MTA3: variants seen among roughly 807,000 people sequenced by gnomAD.
The protein encoded by MTA3 is metastasis-associated protein MTA3.
Under a neutral mutation model 83.5 loss-of-function variants are expected in MTA3, and 34 were observed. The observed-to-expected ratio is 0.41, with a 90% CI of 0.31 to 0.54. The LOEUF (loss-of-function observed/expected upper bound fraction) is 0.54, where lower values mean the gene tolerates loss of function less well. Ranked by LOEUF, MTA3 falls within the 20% of genes least tolerant of loss-of-function variation. The pLI is 0.33. For missense variants in MTA3, 761 were observed against 726.4 expected (o/e 1.05, Z -0.55); for synonymous variants, 303 against 252.7 (o/e 1.20, Z -1.89).
intron 2 of MTA3, among the ~76,000 whole-genome samples, chr2:42,527,193 T>C (rs1199758466): frequency 6.6e-6 from 1 of 151,236 alleles, no homozygotes; most frequent in Non-Finnish European, 1.5e-5. Context: ...CAATCAAAGC[T>C]CAACTGAACC....
chr2:42,557,282 A>T (rs1272404190), intron 2 of MTA3, among the ~76,000 whole-genome samples: 1 of 151,578 alleles, frequency 6.6e-6, no homozygotes, highest in East Asian at 1.9e-4. Flanking sequence ...TTGTCTCAAT[A>T]TAAATAAATA....
In MTA3 at chr2:42,738,621, C is replaced by T. The variant is rs985058458; in HGVS notation, c.1760-14753C>T. On this transcript the variant is annotated intron_variant, in intron 16 of 16. Transcript: ENST00000405094. ...GAAAAACAGGATAACAGCAATTGTT[C>T]AGGGAGTAAGAGAGATAACCTTAAA... Among the ~76,000 whole-genome samples, 3 of 152,206 alleles carry T rather than the reference C, an allele frequency of 2.0e-5. No homozygotes were observed. In the South Asian group the frequency reaches 6.2e-4, roughly 31 times the overall value.
chr2:42,699,810 C>G (rs573613685), intron 11 of MTA3, among the ~76,000 whole-genome samples: 1 of 152,084 alleles, frequency 6.6e-6, no homozygotes, highest in South Asian at 2.1e-4. Context: ...GTCTTAAACT[C>G]AGTGTGGGAA....
chr2:42,494,276 C>G (rs1674027491), upstream of MTA3, among the ~76,000 whole-genome samples: 1 of 152,118 alleles, frequency 6.6e-6, no homozygotes, highest in Non-Finnish European at 1.5e-5. Context: ...GCCGGGATGC[C>G]TGCTCCCGCG....
chr2:42,692,177 T>G (rs1692958318), intron 9 of MTA3, among the ~76,000 whole-genome samples: 1 of 152,204 alleles, frequency 6.6e-6, no homozygotes, highest in African/African-American at 2.4e-5. Context: ...TTCTCTCCTC[T>G]GACTGGGTGT....
chr2:42,657,197 C>T (rs1367359833), intron 7 of MTA3, among the ~76,000 whole-genome samples: 3 of 152,184 alleles, frequency 2.0e-5, no homozygotes, highest in Non-Finnish European at 4.4e-5. Context: ...CAAGGGTCTT[C>T]ATTATGTTAT....
chr2:42,673,072 C>T (rs1406281667), intron 8 of MTA3, among the ~76,000 whole-genome samples: 2 of 151,752 alleles, frequency 1.3e-5, no homozygotes, highest in Non-Finnish European at 2.9e-5. Flanking sequence ...GGCTTGAACT[C>T]CTGACCTCAA....
Position 42,659,815 on chromosome 2 carries a change from C to A in MTA3, c.655C>A (p.Pro219Thr), listed in dbSNP as rs1487487143. Residue 219 changes from proline to threonine, a missense_variant, in exon 8 of 17, where the codon CCT becomes ACT. Physicochemically the swap from Pro to Thr is conservative, Grantham distance 38 (BLOSUM62 -1). Transcript: ENST00000405094. ...GGATTGCAGCAGTTCTGTGAGGCAG[C>A]CTAGTTTGCATATGAGTGCTGCTGC... ...ALDCSSSVRQ[P>T]SLHMSAAAAS... 6.2e-7 allele frequency: 1 copy of A among 1,608,326 alleles called. No individual in the cohort carries two copies. Among genetic ancestry groups the A allele is most frequent in the Non-Finnish European group, 8.5e-7 (1 of 1,177,400 alleles).
intron 2 of MTA3, among the ~76,000 whole-genome samples, chr2:42,512,985 A>G (rs962901300): frequency 3.3e-5 from 5 of 152,160 alleles, no homozygotes; most frequent in South Asian, 2.1e-4. Context: ...CCATCCATCA[A>G]TTCTCCCAGA....
In MTA3 at chr2:42,609,685, A is replaced by T. The variant is rs1683944767; in HGVS notation, c.317+101A>T. ...CAGACTCTTCTCAGGATCTTGCTTA[A>T]ACTACTTTGCTAAAGGCTTCATAAT... On this transcript the variant is annotated intron_variant, in intron 4 of 16. Coordinates refer to ENST00000405094, the MANE Select transcript of MTA3 (RefSeq NM_001330442.2). 3.8e-6 allele frequency: 5 copies of T among 1,330,050 alleles called. No individual in the cohort carries two copies. The East Asian group carries it at 1.2e-4, about 31-fold the overall frequency. 82.4% of individuals were successfully genotyped at this position (1,330,050 alleles called of 1,614,324 possible). A position where few individuals can be genotyped will look rare whatever the true frequency, so the allele number is the denominator to read the frequency against.
intron 16 of MTA3, among the ~76,000 whole-genome samples, chr2:42,747,557 C>G: frequency 6.6e-6 from 1 of 151,564 alleles, no homozygotes; most frequent in Non-Finnish European, 1.5e-5. Context: ...GAGGCCTGCT[C>G]TTGAAGCTTT....
chr2:42,682,523 A>C lies in MTA3; in HGVS notation c.825A>C (p.Glu275Asp). ...RDEMEEWSAS[E>D]ASLFEEALEK... The stretch of plus-strand genomic sequence containing the variant: ...AAATGGAGGAATGGTCAGCCTCTGA[A>C]GCTAGCTTATTTGAAGAGGCACTGG... The change falls in exon 9 of 17, where the codon GAA (glutamate) becomes GAC (aspartate). Residue 275 changes from glutamate to aspartate, a missense_variant. By Grantham distance (45) the Glu-to-Asp change is conservative. Transcript: ENST00000405094. The C allele has an allele frequency of 6.2e-7, 1 of 1,612,934 alleles. No individual in the cohort carries two copies. The highest frequency in any genetic ancestry group is 8.5e-7 in the Non-Finnish European group (1 of 1,179,438).
chr2:42,628,702 A>T (rs1267774595), intron 4 of MTA3, among the ~76,000 whole-genome samples: 2 of 151,622 alleles, frequency 1.3e-5, no homozygotes. Flanking sequence ...ATACCATACA[A>T]TTCTGGGATT....
intron 6 of MTA3, among the ~76,000 whole-genome samples, chr2:42,647,155 T>TAAAAAAAAAAAACAAAAAAAAAAAAACAA (rs762680843): frequency 2.2e-5 from 2 of 92,072 alleles, no homozygotes; most frequent in African/African-American, 1.0e-4. Context: ...AGACTCTGTC[T>TAAAAAAAAAAAACAAAAAAAAAAAAACAA]AAAAAAAAAA....
chr2:42,704,334 C>G lies in MTA3; in HGVS notation c.1150+16C>G. ...AGCTGCTATGGTAAGTTTTCTCTAG[C>G]AGGTCAGTTAAGCATCGGGAACTGT... On this transcript the variant is annotated intron_variant, in intron 12 of 16. Transcript: ENST00000405094. 6.2e-7 allele frequency: 1 copy of G among 1,613,120 alleles called. No individual in the cohort carries two copies. Among genetic ancestry groups the G allele is most frequent in the Non-Finnish European group, 8.5e-7 (1 of 1,179,400 alleles).
chr2:42,747,541 T>G (rs1207365848), intron 16 of MTA3, among the ~76,000 whole-genome samples: 2 of 151,748 alleles, frequency 1.3e-5, no homozygotes, highest in East Asian at 3.9e-4. Flanking sequence ...AGAGACTCTG[T>G]TTTCTGAGGC....
rs181750191 is a variant in MTA3, at chr2:42,630,737, T to A, written c.318-9436T>A. ...TGCCTAGGACATTTTAGTTGTGTGA[T>A]TGTGAGTGTAGCTGCAAAATTATAC... On this transcript the variant is annotated intron_variant, in intron 4 of 16. Transcript: ENST00000405094. Among the ~76,000 whole-genome samples the A allele has an allele frequency of 3.1e-3, 477 of 152,318 alleles. 2 individuals carry two copies. Among genetic ancestry groups the A allele is most frequent in the Non-Finnish European group, 4.9e-3 (332 of 68,030 alleles).
chr2:42,665,892 G>A (rs1200764603), intron 8 of MTA3, among the ~76,000 whole-genome samples: 1 of 152,192 alleles, frequency 6.6e-6, no homozygotes, highest in Non-Finnish European at 1.5e-5. Flanking sequence ...GCCAGGTCTG[G>A]TTCTGAGAAA....
chr2:42,552,905 G>A (rs1026344801), intron 2 of MTA3, among the ~76,000 whole-genome samples: 5 of 150,940 alleles, frequency 3.3e-5, no homozygotes, highest in African/African-American at 7.3e-5. Flanking sequence ...AGCCGAGATC[G>A]CGCCACTCCC....
Sources: allele counts gnomAD v4.1 joint callset (sites outside exome capture counted in the v4.1 genomes callset), GRCh38; gene constraint gnomAD v4.1.1; transcripts MANE v1.5; gene names NCBI Gene and HGNC (gene_info 2026-07-23, HGNC 2026-07-21).